SCARA3: variants seen among roughly 807,000 people sequenced by gnomAD.
SCARA3 encodes the protein scavenger receptor class A member 3.
A neutral mutation model predicts 47.0 loss-of-function variants in SCARA3; 39 were observed. The ratio of observed to expected loss-of-function variants is 0.83; its 90% CI spans 0.64 to 1.08. The LOEUF is 1.08. SCARA3 is among the 50% of genes least tolerant of loss of function. The probability of loss-of-function intolerance (pLI) is 0.00; values close to 1 mark genes in which losing one functional copy is unlikely to be tolerated. For synonymous variants in SCARA3, 356 were observed against 334.1 expected, an observed-to-expected ratio of 1.07 and a Z score of -0.71; for missense variants, 724 against 792.3, an observed-to-expected ratio of 0.91 and a Z score of 1.04.
chr8:27,666,326 C>G (rs149111869), intron 5 of SCARA3, among the ~76,000 whole-genome samples: 155 of 152,280 alleles, frequency 1.0e-3, no homozygotes, highest in African/African-American at 3.5e-3. Flanking sequence ...AATGAGTCTT[C>G]TCTTCTCTGG....
At chr8:27,648,874 A>G (rs901803827) in intron 1 of SCARA3, among the ~76,000 whole-genome samples, 3 of 148,728 alleles carry the variant, frequency 2.0e-5, no homozygotes, top group Non-Finnish European at 3.0e-5. Context: ...AAAGTAGGGA[A>G]GGAAGGAAAG....
chr8:27,681,331 AC>A (rs1328193924), downstream of SCARA3, among the ~76,000 whole-genome samples: 2 of 12,192 alleles, frequency 1.6e-4, no homozygotes, highest in South Asian at 0.071. Context: ...TATACTAGCT[AC>A]AAAAAAATTT....
At chr8:27,693,565 A>G in the SCARA3 span, among the ~76,000 whole-genome samples, 1 of 152,164 alleles carries the variant, frequency 6.6e-6, no homozygotes. Flanking sequence ...TCCCCCAACT[A>G]TCTGAAAGGA....
Position 27,659,037 on chromosome 8 carries a change from C to T in SCARA3, c.867C>T (p.Arg289=), listed in dbSNP as rs1350918129. 3 of 1,614,024 alleles carry T rather than the reference C, an allele frequency of 1.9e-6. No individual in the cohort carries two copies. The highest frequency in any genetic ancestry group is 2.5e-6 in the Non-Finnish European group (3 of 1,180,040). ...CCACCCTGGGGGCCTCCTCACAGCG[C>T]ATCAGCCAGAACTCAGAGAGCATGC... ...IQATLGASSQ[R]ISQNSESMHD... Residue 289 remains arginine (R), a synonymous_variant, in exon 5 of 6, where the codon CGC becomes CGT. Transcript: ENST00000301904.
chr8:27,703,989 T>C, the SCARA3 span, among the ~76,000 whole-genome samples: 1 of 150,210 alleles, frequency 6.7e-6, no homozygotes, highest in South Asian at 2.1e-4. Flanking sequence ...CATTTAATAA[T>C]GGATAAATAA....
the SCARA3 span, among the ~76,000 whole-genome samples, chr8:27,696,153 G>GCACATGCC: frequency 6.6e-6 from 1 of 151,942 alleles, no homozygotes; most frequent in Non-Finnish European, 1.5e-5. Context: ...GGGACTAAAG[G>GCACATGCC]CACATGCCAC....
the SCARA3 span, chr8:27,703,844 CTTTTTTTTTTTTTTTTT>C: frequency 9.2e-5 from 5 of 54,552 alleles, 1 homozygote; most frequent in African/African-American, 3.3e-4. Flanking sequence ...GTGCTTTCTA[CTTTTTTTTTTTTTTTTT>C]TTTTTTTTTT....
chr8:27,648,473 G>A lies in SCARA3; in HGVS notation c.8-1229G>A, dbSNP rs1206296291. ...CAAAAAATTAGCCGGGCGTGGTGGC[G>A]GGCACCTGTAGTCCCAGCTACTCGG... On this transcript the variant is annotated intron_variant, in intron 1 of 5. Coordinates refer to ENST00000301904, the MANE Select transcript of SCARA3 (RefSeq NM_016240.3). 2.6e-5 allele frequency among the ~76,000 whole-genome samples: 4 copies of A among 152,040 alleles called. No homozygotes were observed. The South Asian group carries it at 6.2e-4, about 24-fold the overall frequency.
At position 27,634,198 on chromosome 8, in the gene SCARA3, A is replaced by C; in HGVS notation, c.-3A>C. On this transcript the variant is annotated 5_prime_UTR_variant, in exon 1 of 6. Transcript: ENST00000301904. Reference sequence around the variant, plus strand: ...CCCTCCTGAGGCCCCAGAGGAAGAGACCATGAAAGGTAAGGGCGGCCTGTC... The same window carrying C: ...CCCTCCTGAGGCCCCAGAGGAAGAGCCCATGAAAGGTAAGGGCGGCCTGTC... The C allele has an allele frequency of 5.0e-6, 7 of 1,410,304 alleles. No individual in the cohort carries two copies. The highest frequency in any genetic ancestry group is 6.4e-6 in the Non-Finnish European group (7 of 1,086,138). 87.4% of individuals were successfully genotyped at this position (1,410,304 alleles called of 1,614,324 possible).
chr8:27,690,627 G>T, the SCARA3 span, among the ~76,000 whole-genome samples: 5 of 152,102 alleles, frequency 3.3e-5, no homozygotes, highest in Admixed American at 2.0e-4. Context: ...CATTTAAAAA[G>T]TTAAAAAGTT....
chr8:27,643,995 A>G (rs1801439068), intron 1 of SCARA3, among the ~76,000 whole-genome samples: 1 of 152,114 alleles, frequency 6.6e-6, no homozygotes, highest in South Asian at 2.1e-4. Flanking sequence ...ACCCCAGTGG[A>G]GTCAGTGGCC....
At chr8:27,664,324 G>T (rs1801971381) in intron 5 of SCARA3, among the ~76,000 whole-genome samples, 1 of 152,216 alleles carries the variant, frequency 6.6e-6, no homozygotes, top group Admixed American at 6.5e-5. Flanking sequence ...TGATTACAAT[G>T]CCCATTTACA....
chr8:27,691,417 A>G, the SCARA3 span, among the ~76,000 whole-genome samples: 1 of 152,008 alleles, frequency 6.6e-6, no homozygotes, highest in African/African-American at 2.4e-5. Context: ...TGTGCTTGTC[A>G]TGACATCATG....
intron 4 of SCARA3, among the ~76,000 whole-genome samples, chr8:27,658,194 A>T (rs995469306): frequency 6.6e-6 from 1 of 152,200 alleles, no homozygotes; most frequent in Non-Finnish European, 1.5e-5. Context: ...ATAAAGTTTA[A>T]ATGGGAAGTT....
At chr8:27,708,135 G>A in the SCARA3 span, among the ~76,000 whole-genome samples, 2 of 152,184 alleles carry the variant, frequency 1.3e-5, no homozygotes, top group African/African-American at 4.8e-5. Flanking sequence ...AGGACCCTTT[G>A]CAGCAGACCT....
the SCARA3 span, among the ~76,000 whole-genome samples, chr8:27,721,330 C>A: frequency 6.6e-6 from 1 of 152,108 alleles, no homozygotes; most frequent in South Asian, 2.1e-4. Flanking sequence ...TTATTGAGTA[C>A]CTACTATGAA....
chr8:27,698,826 A>G, the SCARA3 span, among the ~76,000 whole-genome samples: 11 of 152,190 alleles, frequency 7.2e-5, no homozygotes, highest in African/African-American at 2.4e-4. Context: ...TATAGTAAAA[A>G]GTACAGAATA....
At chr8:27,676,426 G>A, downstream of SCARA3, 1 of 753,820 alleles carries the variant, frequency 1.3e-6, no homozygotes, top group African/African-American at 1.8e-5. Flanking sequence ...GAAGCCAGGT[G>A]CTGACCTCAG....
At chr8:27,698,843 A>T in the SCARA3 span, among the ~76,000 whole-genome samples, 14 of 152,200 alleles carry the variant, frequency 9.2e-5, no homozygotes, top group African/African-American at 3.4e-4. Context: ...AATATTGCTG[A>T]AATTTTTAAA....
Sources: gnomAD v4.1 joint callset for allele counts (sites outside exome capture counted in the v4.1 genomes callset) on GRCh38, gnomAD v4.1.1 for gene constraint, MANE v1.5 for transcripts, NCBI Gene and HGNC (gene_info 2026-07-23, HGNC 2026-07-21) for gene names.